Variants in DNM3 observed in about 807,000 individuals in gnomAD.
DNM3 encodes the protein dynamin 3, also known as dynamin-3.
Under a neutral mutation model 101.6 loss-of-function variants are expected in DNM3, and 47 were observed. That is an observed-to-expected ratio of 0.46 (90% CI 0.37 to 0.59). DNM3 has a LOEUF of 0.59. Among genes scored for constraint, DNM3 ranks in the 20% least tolerant of loss-of-function variants. The pLI, the probability that DNM3 is intolerant of heterozygous loss-of-function variation, is 0.00. For synonymous variants in DNM3, 385 were observed against 387.9 expected, an observed-to-expected ratio of 0.99 and a Z score of 0.09; for missense variants, 849 against 1,085.7, an observed-to-expected ratio of 0.78 and a Z score of 3.06.
chr1:172,198,847 T>C (rs1157890220), intron 14 of DNM3, among the ~76,000 whole-genome samples: 1 of 151,984 alleles, frequency 6.6e-6, no homozygotes, highest in Non-Finnish European at 1.5e-5. Context: ...ATTAATTTTT[T>C]CAAAAAATCA....
At chr1:172,273,309 C>T (rs969462185) in intron 15 of DNM3, among the ~76,000 whole-genome samples, 31 of 151,902 alleles carry the variant, frequency 2.0e-4, no homozygotes, top group African/African-American at 6.5e-4. Context: ...TTCAAATCTC[C>T]CTTTTTTAAG....
intron 9 of DNM3, 98 bp from the exon 10 acceptor site, chr1:172,048,514 T>C: frequency 7.2e-7 from 1 of 1,393,808 alleles, no homozygotes; most frequent in Non-Finnish European, 9.6e-7. Flanking sequence ...ATTACATGCT[T>C]AATTTAAATG....
chr1:172,144,353 A>G (rs1230644397), intron 14 of DNM3: 1 of 209,210 alleles, frequency 4.8e-6, no homozygotes, highest in Non-Finnish European at 1.0e-5. Flanking sequence ...TGAGCAGTCA[A>G]GAAGGCCTTA....
At chr1:171,871,033 A>G (rs2035229993) in intron 1 of DNM3, among the ~76,000 whole-genome samples, 1 of 152,226 alleles carries the variant, frequency 6.6e-6, no homozygotes, top group Non-Finnish European at 1.5e-5. Context: ...GAGGCTAAAG[A>G]GGCAAGATGT....
intron 20 of DNM3, among the ~76,000 whole-genome samples, chr1:172,402,260 T>C (rs2070548116): frequency 6.6e-6 from 1 of 152,198 alleles, no homozygotes; most frequent in Non-Finnish European, 1.5e-5. Flanking sequence ...AAAATGGTTT[T>C]TGTAGATAAA....
Position 171,998,186 on chromosome 1 carries a change from C to T in DNM3, c.589+9038C>T, listed in dbSNP as rs565258986. 6.6e-5 allele frequency among the ~76,000 whole-genome samples: 10 copies of T among 152,040 alleles called. No individual in the cohort carries two copies. In the South Asian group the frequency reaches 1.2e-3, roughly 19 times the overall value. On this transcript the variant is annotated intron_variant, in intron 4 of 20. Coordinates refer to ENST00000627582, the MANE Select transcript of DNM3 (RefSeq NM_015569.5). ...TGTCTGTTATAAGCACTTTATTCAG[C>T]GATAATCATGAACACATGTTAGACT...
At chr1:172,144,509 A>AT in intron 14 of DNM3, 1 of 440,992 alleles carries the variant, frequency 2.3e-6, no homozygotes, top group South Asian at 1.9e-5. Context: ...GAAACAGCCC[A>AT]TTTTGTCCCC....
intron 17 of DNM3, among the ~76,000 whole-genome samples, chr1:172,339,282 G>A (rs1241564489): frequency 6.6e-6 from 1 of 152,170 alleles, no homozygotes; most frequent in Non-Finnish European, 1.5e-5. Flanking sequence ...TGCTGTTCTT[G>A]AAAATTTTTA....
intron 1 of DNM3, among the ~76,000 whole-genome samples, chr1:171,908,105 T>C (rs913103351): frequency 1.1e-4 from 16 of 152,218 alleles, no homozygotes; most frequent in Non-Finnish European, 2.1e-4. Context: ...TTGAATTCCA[T>C]TCCTTTCTTT....
intron 14 of DNM3, among the ~76,000 whole-genome samples, chr1:172,135,863 T>A (rs1298118831): frequency 6.6e-6 from 1 of 152,070 alleles, no homozygotes; most frequent in Non-Finnish European, 1.5e-5. Flanking sequence ...TTAAAACCAA[T>A]GAGAAATTTG....
chr1:172,142,217 A>C (rs953356053), intron 14 of DNM3: 13 of 152,176 alleles, frequency 8.5e-5, no homozygotes, highest in African/African-American at 3.1e-4. Context: ...ATGATCCCTA[A>C]AATATTTGTA....
At chr1:172,356,947 C>A (rs2067483975) in intron 17 of DNM3, among the ~76,000 whole-genome samples, 1 of 151,958 alleles carries the variant, frequency 6.6e-6, no homozygotes. Flanking sequence ...GAAAAAGATA[C>A]AAGAGGCAAA....
rs148691946 is a variant in DNM3 at position 172,411,600 on chromosome 1, G to A, written c.*3759G>A. On this transcript the variant is annotated 3_prime_UTR_variant, in exon 21 of 21. Transcript: ENST00000627582. ...GTGGATTTTTCTGAGTAAATTTGCT[G>A]AAAATATAAGAGAGAAGCTATCTAA... The A allele has an allele frequency of 8.6e-4, 850 of 984,048 alleles. 6 individuals are homozygous for A. In the African/African-American group the frequency reaches 0.014, roughly 16 times the overall value. The allele number at this position is 984,048 out of a possible 1,614,324, so 61.0% of individuals were successfully genotyped here.
At chr1:172,244,242 C>T (rs1232284964) in intron 14 of DNM3, among the ~76,000 whole-genome samples, 2 of 152,090 alleles carry the variant, frequency 1.3e-5, no homozygotes, top group East Asian at 3.9e-4. Context: ...ATATGTGCCA[C>T]ATTTTCTTAA....
At chr1:171,857,918 T>G (rs1462372798) in intron 1 of DNM3, among the ~76,000 whole-genome samples, 1 of 152,106 alleles carries the variant, frequency 6.6e-6, no homozygotes, top group Non-Finnish European at 1.5e-5. Context: ...GAGAGCTCTC[T>G]CTCTCTCTTC....
chr1:172,201,012 G>A (rs1158491466), intron 14 of DNM3, among the ~76,000 whole-genome samples: 1 of 152,144 alleles, frequency 6.6e-6, no homozygotes, highest in African/African-American at 2.4e-5. Context: ...TCCTTTTAAT[G>A]GCAGTATAGA....
At chr1:172,209,596 T>C (rs1229705449) in intron 14 of DNM3, among the ~76,000 whole-genome samples, 1 of 152,034 alleles carries the variant, frequency 6.6e-6, no homozygotes, top group African/African-American at 2.4e-5. Context: ...GAGAAGACTC[T>C]TCCATATCTC....
At chr1:171,968,782 A>G (rs933938126) in intron 2 of DNM3, among the ~76,000 whole-genome samples, 2 of 152,078 alleles carry the variant, frequency 1.3e-5, no homozygotes, top group African/African-American at 4.8e-5. Context: ...AAGCTATACT[A>G]AGGGAAAAAA....
intron 2 of DNM3, among the ~76,000 whole-genome samples, chr1:171,931,172 G>T (rs552742218): frequency 6.6e-6 from 1 of 152,210 alleles, no homozygotes; most frequent in East Asian, 1.9e-4. Flanking sequence ...CTAAATATTT[G>T]GAAAAATATT....
Sources: gnomAD v4.1 joint callset for allele counts (sites outside exome capture counted in the v4.1 genomes callset) on GRCh38, gnomAD v4.1.1 for gene constraint, MANE v1.5 for transcripts, NCBI Gene and HGNC (gene_info 2026-07-23, HGNC 2026-07-21) for gene names.